ENOX1: variants seen among roughly 807,000 people sequenced by gnomAD.
ENOX1 encodes the protein candidate growth-related and time keeping constitutive hydroquinone (NADH) oxidase.
Under a neutral mutation model 82.5 loss-of-function variants are expected in ENOX1, and 42 were observed. The ratio of observed to expected loss-of-function variants is 0.51; its 90% confidence interval spans 0.40 to 0.66. The LOEUF (loss-of-function observed/expected upper bound fraction) is 0.66, where lower values mean the gene tolerates loss of function less well. Among genes scored for constraint, ENOX1 ranks in the 30% least tolerant of loss-of-function variants. ENOX1 has a pLI of 0.00. For missense variants in ENOX1, 608 were observed against 811.6 expected, an observed-to-expected ratio of 0.75 and a Z score of 3.05; for synonymous variants, 271 against 282.2, an observed-to-expected ratio of 0.96 and a Z score of 0.40.
At chr13:43,477,138 T>C (rs999721070) in intron 3 of ENOX1, among the ~76,000 whole-genome samples, 64 of 150,670 alleles carry the variant, frequency 4.2e-4, no homozygotes, top group African/African-American at 1.5e-3. Flanking sequence ...ATTGCACATA[T>C]ATATGTGTGT....
intron 14 of ENOX1, among the ~76,000 whole-genome samples, chr13:43,244,653 A>G (rs1289906099): frequency 6.6e-6 from 1 of 152,166 alleles, no homozygotes; most frequent in Non-Finnish European, 1.5e-5. Context: ...CTAAATAGAG[A>G]AACCACCGCC....
At chr13:43,635,960 G>T (rs916524227) in intron 2 of ENOX1, among the ~76,000 whole-genome samples, 6 of 152,158 alleles carry the variant, frequency 3.9e-5, no homozygotes, top group African/African-American at 1.4e-4. Context: ...GAAGAAGCAG[G>T]GCCCTATCAT....
chr13:43,756,774 A>ACT (rs1270569667), intron 1 of ENOX1, among the ~76,000 whole-genome samples: 2 of 152,224 alleles, frequency 1.3e-5, no homozygotes, highest in East Asian at 3.9e-4. Flanking sequence ...ATGTTACAAA[A>ACT]AAGATGAAAA....
At chr13:43,223,826 T>C (rs915433931) in intron 16 of ENOX1, among the ~76,000 whole-genome samples, 1 of 152,196 alleles carries the variant, frequency 6.6e-6, no homozygotes, top group Non-Finnish European at 1.5e-5. Context: ...TGGCATCTGC[T>C]AAAAGTCATT....
intron 2 of ENOX1, among the ~76,000 whole-genome samples, chr13:43,509,948 T>A (rs373988453): frequency 2.6e-5 from 4 of 152,110 alleles, no homozygotes; most frequent in African/African-American, 9.6e-5. Context: ...TGGACAGCCT[T>A]ATATTTACCC....
chr13:43,538,615 T>C (rs1593702226), intron 2 of ENOX1, among the ~76,000 whole-genome samples: 3 of 152,316 alleles, frequency 2.0e-5, no homozygotes, highest in Admixed American at 2.0e-4. Flanking sequence ...TTTAATATAT[T>C]ACTTGCTAAT....
intron 1 of ENOX1, among the ~76,000 whole-genome samples, chr13:43,758,594 G>C (rs115011334): frequency 0.053 from 8,012 of 152,260 alleles, 206 homozygotes; most frequent in African/African-American, 0.075. Flanking sequence ...AGTTTTGTAA[G>C]ATATGACTAT....
intron 2 of ENOX1, among the ~76,000 whole-genome samples, chr13:43,520,160 A>G (rs1430575231): frequency 6.6e-6 from 1 of 152,152 alleles, no homozygotes; most frequent in East Asian, 1.9e-4. Context: ...TAGAAATGTA[A>G]CAGCACTTCC....
At chr13:43,395,817 G>A (rs1046908679) in intron 5 of ENOX1, among the ~76,000 whole-genome samples, 13 of 152,306 alleles carry the variant, frequency 8.5e-5, no homozygotes, top group South Asian at 4.1e-4. Flanking sequence ...ATGCCACGTA[G>A]GCTGCGATGG....
intron 2 of ENOX1, among the ~76,000 whole-genome samples, chr13:43,534,617 A>C (rs1214823977): frequency 6.6e-6 from 1 of 152,188 alleles, no homozygotes; most frequent in Non-Finnish European, 1.5e-5. Flanking sequence ...AAATTACAAT[A>C]TTCCAAGATG....
intron 2 of ENOX1, among the ~76,000 whole-genome samples, chr13:43,568,849 A>G (rs1359851673): frequency 2.6e-5 from 4 of 152,174 alleles, no homozygotes; most frequent in Admixed American, 2.6e-4. Context: ...GCCAATTTTT[A>G]TCTATTACTA....
chr13:43,377,303 T>C (rs1157461155), intron 5 of ENOX1, among the ~76,000 whole-genome samples: 1 of 152,176 alleles, frequency 6.6e-6, no homozygotes, highest in African/African-American at 2.4e-5. Context: ...CTTTCTACCA[T>C]GGAATGATGC....
Position 43,243,206 on chromosome 13 carries a change from T to C in ENOX1, c.1612-6468A>G, listed in dbSNP as rs191818977. 5.3e-5 allele frequency among the ~76,000 whole-genome samples: 8 copies of C among 152,230 alleles called. No homozygotes were observed. In the East Asian group the frequency reaches 1.5e-3, roughly 29 times the overall value. On this transcript the variant is annotated intron_variant, in intron 14 of 16. Coordinates refer to ENST00000690772, the MANE Select transcript of ENOX1 (RefSeq NM_001347969.2). Reference sequence around the variant, plus strand: ...ATGTAATTTTCTAAAATTCTATAATTTTATGACTAAAACCCAGTTCATCTC... The same window carrying C: ...ATGTAATTTTCTAAAATTCTATAATCTTATGACTAAAACCCAGTTCATCTC...
chr13:43,280,804 G>A (rs1417663044), intron 12 of ENOX1, among the ~76,000 whole-genome samples: 1 of 152,156 alleles, frequency 6.6e-6, no homozygotes, highest in Non-Finnish European at 1.5e-5. Flanking sequence ...TTAGGAGCAG[G>A]GTAAAGAGAG....
chr13:43,292,149 T>C (rs1480326919), intron 12 of ENOX1, among the ~76,000 whole-genome samples: 1 of 152,136 alleles, frequency 6.6e-6, no homozygotes, highest in East Asian at 1.9e-4. Context: ...AGAGAGATGA[T>C]TCAGGAACCA....
chr13:43,638,021 C>T (rs2083478414), intron 2 of ENOX1, among the ~76,000 whole-genome samples: 1 of 152,138 alleles, frequency 6.6e-6, no homozygotes, highest in East Asian at 1.9e-4. Flanking sequence ...AAGTACAACC[C>T]ACTTTGTTCA....
intron 2 of ENOX1, among the ~76,000 whole-genome samples, chr13:43,526,675 A>G (rs769773500): frequency 1.3e-5 from 2 of 152,148 alleles, no homozygotes; most frequent in Non-Finnish European, 2.9e-5. Flanking sequence ...GTTGAGGGGT[A>G]CCAGTTCAAG....
At chr13:43,587,141 T>TA (rs2081035045) in intron 2 of ENOX1, among the ~76,000 whole-genome samples, 1 of 151,998 alleles carries the variant, frequency 6.6e-6, no homozygotes, top group South Asian at 2.1e-4. Context: ...CATCTAATGC[T>TA]AAGACCTTCA....
At chr13:43,519,373 T>C (rs1477209052) in intron 2 of ENOX1, among the ~76,000 whole-genome samples, 3 of 152,216 alleles carry the variant, frequency 2.0e-5, no homozygotes, top group Non-Finnish European at 2.9e-5. Flanking sequence ...AAAAAGTATT[T>C]GCCTACTAAT....
Sources: allele counts gnomAD v4.1 joint callset (sites outside exome capture counted in the v4.1 genomes callset), GRCh38; gene constraint gnomAD v4.1.1; transcripts MANE v1.5; gene names NCBI Gene and HGNC (gene_info 2026-07-23, HGNC 2026-07-21).